JPH1: variants seen among roughly 807,000 people sequenced by gnomAD.
The protein encoded by JPH1 is junctophilin-1.
Under a neutral mutation model 53.6 loss-of-function variants are expected in JPH1, and 12 were observed. The ratio of observed to expected loss-of-function variants is 0.22; its 90% confidence interval spans 0.14 to 0.36. JPH1 has a LOEUF of 0.36. Ranked by LOEUF, JPH1 falls within the 10% of genes least tolerant of loss-of-function variation. The pLI is 1.00. For synonymous variants in JPH1, 375 were observed against 363.8 expected, an observed-to-expected ratio of 1.03 and a Z score of -0.35; for missense variants, 808 against 905.5, an observed-to-expected ratio of 0.89 and a Z score of 1.38.
chr8:74,315,774 C>T lies in JPH1; in HGVS notation c.380-154G>A, dbSNP rs1365674124. On this transcript the variant is annotated intron_variant, in intron 1 of 5. Coordinates refer to ENST00000342232, the MANE Select transcript of JPH1 (RefSeq NM_020647.4). This position sits in a 1 kb window ranked among gnomAD's most constrained non-coding sequence, Gnocchi z 6.3. ...GATACTTTGCATCCACTTGTGAATC[C>T]CCGCCCTGTAATTTTGGGTGTAAGG... is the stretch of plus-strand genomic sequence containing the variant. Among the ~76,000 whole-genome samples the T allele has an allele frequency of 1.3e-5, 2 of 152,318 alleles. No individual in the cohort carries two copies. The highest frequency in any genetic ancestry group is 1.9e-4 in the East Asian group (1 of 5,180).
chr8:74,288,219 T>C (rs1807225123), intron 2 of JPH1, among the ~76,000 whole-genome samples: 1 of 152,202 alleles, frequency 6.6e-6, no homozygotes, highest in Non-Finnish European at 1.5e-5. Context: ...GGAGGGGCTT[T>C]GGCGAGGACA....
At chr8:74,296,222 CAG>C (rs1342965750) in intron 2 of JPH1, among the ~76,000 whole-genome samples, 3 of 152,072 alleles carry the variant, frequency 2.0e-5, no homozygotes, top group Non-Finnish European at 2.9e-5. Context: ...GTATAGAAAA[CAG>C]AGTTATTTTT....
rs1242201657 is a variant in JPH1 at position 74,315,267 on chromosome 8, T to C, written c.733A>G (p.Met245Val). The stretch of plus-strand genomic sequence containing the variant: ...GCATCGCTGGAACTAATTCTGCTCA[T>C]GGCCGCGTCGCTGCGGACAGAGCTG... Reference protein sequence around the residue: ...KRSSVRSDAAMSRISSSDANS... With the variant: ...KRSSVRSDAAVSRISSSDANS... The change falls in exon 2 of 6, where the codon ATG (methionine) becomes GTG (valine). Residue 245 changes from methionine to valine, a missense_variant. This residue lies in a region of JPH1 where 756 missense variants were observed against 811.9 expected (regional missense o/e 0.93). Coordinates refer to ENST00000342232, the MANE Select transcript of JPH1 (RefSeq NM_020647.4). This position sits in a 1 kb window ranked among gnomAD's most constrained non-coding sequence, Gnocchi z 6.3. 2 of 1,614,176 alleles carry C rather than the reference T, an allele frequency of 1.2e-6. No individual in the cohort carries two copies. Among genetic ancestry groups the C allele is most frequent in the Admixed American group, 1.7e-5 (1 of 60,034 alleles).
intron 2 of JPH1, among the ~76,000 whole-genome samples, chr8:74,296,418 G>A (rs1019487081): frequency 6.6e-6 from 1 of 151,962 alleles, no homozygotes; most frequent in Admixed American, 6.6e-5. Context: ...CTTAACTATT[G>A]GGAAAAATAT....
At chr8:74,273,077 T>C (rs1482704397) in intron 2 of JPH1, among the ~76,000 whole-genome samples, 1 of 152,194 alleles carries the variant, frequency 6.6e-6, no homozygotes, top group African/African-American at 2.4e-5. Context: ...TGGAAAGACC[T>C]AGATTATTTT....
intron 3 of JPH1, among the ~76,000 whole-genome samples, chr8:74,256,514 C>T (rs1806239778): frequency 6.8e-6 from 1 of 147,080 alleles, no homozygotes; most frequent in Non-Finnish European, 1.5e-5. Context: ...GCACGTTGTG[C>T]ACATGTACCC....
At chr8:74,263,761 A>T (rs1806458132) in intron 2 of JPH1, among the ~76,000 whole-genome samples, 1 of 152,214 alleles carries the variant, frequency 6.6e-6, no homozygotes, top group South Asian at 2.1e-4. Context: ...AAAGTGCTTA[A>T]TAACCAAAAA....
chr8:74,244,406 CA>C, intron 4 of JPH1, 122 bp downstream of exon 4: 2 of 1,065,116 alleles, frequency 1.9e-6, no homozygotes, highest in Non-Finnish European at 2.7e-6. Context: ...CTGCTCTAAA[CA>C]ACCCTGTGCT....
intron 3 of JPH1, among the ~76,000 whole-genome samples, chr8:74,254,715 T>C (rs916467585): frequency 0.014 from 2,154 of 152,242 alleles, 83 homozygotes; most frequent in African/African-American, 0.05. Flanking sequence ...ACAAAATCAA[T>C]GTACAAAAAT....
chr8:74,263,773 A>G (rs143506243), intron 2 of JPH1, among the ~76,000 whole-genome samples: 8 of 152,304 alleles, frequency 5.3e-5, no homozygotes, highest in African/African-American at 1.7e-4. Context: ...AACCAAAAAC[A>G]CATTCCTGGG....
chr8:74,254,349 C>T (rs914970046), intron 3 of JPH1, among the ~76,000 whole-genome samples: 3 of 152,078 alleles, frequency 2.0e-5, no homozygotes, highest in Non-Finnish European at 4.4e-5. Context: ...AACAACTCTT[C>T]ATGCTAAAAA....
chr8:74,259,542 C>T, intron 2 of JPH1, 39 bp from the exon 3 acceptor site: 1 of 1,372,192 alleles, frequency 7.3e-7, no homozygotes, highest in Non-Finnish European at 9.8e-7. Context: ...CATAGGTGAC[C>T]CCTTGTTACT....
intron 2 of JPH1, among the ~76,000 whole-genome samples, chr8:74,268,766 C>T (rs1563404121): frequency 6.6e-6 from 1 of 152,050 alleles, no homozygotes; most frequent in African/African-American, 2.4e-5. Context: ...ACTATGGGTA[C>T]AAATTTAAGC....
intron 4 of JPH1, among the ~76,000 whole-genome samples, chr8:74,243,844 T>C (rs28742225): frequency 0.036 from 5,542 of 152,294 alleles, 331 homozygotes; most frequent in African/African-American, 0.12. Context: ...TAAATAAATA[T>C]CTTAAATGCT....
chr8:74,269,776 T>C (rs1806645284), intron 2 of JPH1, among the ~76,000 whole-genome samples: 3 of 152,250 alleles, frequency 2.0e-5, no homozygotes, highest in African/African-American at 7.2e-5. Context: ...CAAAGTCATA[T>C]GGCTATCCAG....
chr8:74,251,957 C>G (rs1016685484), intron 3 of JPH1, among the ~76,000 whole-genome samples: 2 of 152,158 alleles, frequency 1.3e-5, no homozygotes, highest in African/African-American at 4.8e-5. Context: ...CAGCATGGTA[C>G]TGCTACCAAA....
At chr8:74,238,845 A>AGAGTATTTTT (rs1478964900) in intron 4 of JPH1, among the ~76,000 whole-genome samples, 2 of 152,136 alleles carry the variant, frequency 1.3e-5, no homozygotes, top group Admixed American at 1.3e-4. Context: ...TTTTGTAGAG[A>AGAGTATTTTT]TGAGGTCTCA....
intron 2 of JPH1, among the ~76,000 whole-genome samples, chr8:74,299,382 A>G (rs1231022550): frequency 2.0e-5 from 3 of 152,164 alleles, no homozygotes; most frequent in African/African-American, 4.8e-5. Flanking sequence ...CACACCACGA[A>G]CTATAACCTA....
intron 2 of JPH1, among the ~76,000 whole-genome samples, chr8:74,278,773 A>G (rs2131416413): frequency 6.6e-6 from 1 of 152,286 alleles, no homozygotes; most frequent in South Asian, 2.1e-4. Context: ...AGGACAGCAG[A>G]GACTTAATGG....
Sources: allele counts gnomAD v4.1 joint callset (sites outside exome capture counted in the v4.1 genomes callset), GRCh38; gene constraint gnomAD v4.1.1; regional missense constraint gnomAD v4.1.1; non-coding constraint Gnocchi (gnomAD v3.1); transcripts MANE v1.5; gene names NCBI Gene and HGNC (gene_info 2026-07-23, HGNC 2026-07-21).